CNTNAP5: variants seen among roughly 807,000 people sequenced by gnomAD.
CNTNAP5 encodes the protein contactin-associated protein-like 5.
CNTNAP5 carries 72 observed loss-of-function variants against 150.2 expected under a neutral mutation model. The observed-to-expected ratio is 0.48, with a 90% confidence interval of 0.40 to 0.58. CNTNAP5 has a LOEUF of 0.58. Ranked by LOEUF, CNTNAP5 falls within the 20% of genes least tolerant of loss-of-function variation. The pLI is 0.00. For missense variants in CNTNAP5, 1,636 were observed against 1,626.2 expected (o/e 1.01, Z -0.10); for synonymous variants, 672 against 619.8 (o/e 1.08, Z -1.25).
At chr2:124,736,111 T>C (rs778076014) in intron 13 of CNTNAP5, among the ~76,000 whole-genome samples, 3 of 152,086 alleles carry the variant, frequency 2.0e-5, no homozygotes, top group Non-Finnish European at 4.4e-5. Context: ...GTGCCTGTAA[T>C]CCCAGCTATT....
At chr2:124,830,373 TA>T (rs1191890503) in intron 19 of CNTNAP5, among the ~76,000 whole-genome samples, 2 of 152,066 alleles carry the variant, frequency 1.3e-5, no homozygotes, top group Non-Finnish European at 2.9e-5. Context: ...GGAATTATCT[TA>T]ATAGAGTGTA....
chr2:124,083,803 AT>A (rs1004277967), intron 1 of CNTNAP5, among the ~76,000 whole-genome samples: 13 of 137,596 alleles, frequency 9.4e-5, no homozygotes, highest in African/African-American at 2.7e-4. Flanking sequence ...TTTCTTTCTC[AT>A]TTTTTTTCAA....
intron 1 of CNTNAP5, among the ~76,000 whole-genome samples, chr2:124,030,230 C>T (rs1247926540): frequency 1.3e-5 from 2 of 152,110 alleles, no homozygotes; most frequent in African/African-American, 4.8e-5. Context: ...TATATTCTAA[C>T]ATTGTAAAGC....
intron 3 of CNTNAP5, among the ~76,000 whole-genome samples, chr2:124,256,441 T>C (rs555579193): frequency 6.6e-6 from 1 of 152,130 alleles, no homozygotes; most frequent in Non-Finnish European, 1.5e-5. Context: ...TATCGATAGA[T>C]AAAACTTTGG....
At chr2:124,786,374 A>G (rs1681575896) in intron 17 of CNTNAP5, among the ~76,000 whole-genome samples, 3 of 79,242 alleles carry the variant, frequency 3.8e-5, no homozygotes, top group African/African-American at 1.8e-4. Context: ...AAAGAAAGAA[A>G]GAAAGAAAGA....
chr2:124,166,268 G>A (rs542602050), intron 1 of CNTNAP5, among the ~76,000 whole-genome samples: 27 of 152,196 alleles, frequency 1.8e-4, no homozygotes, highest in Admixed American at 1.4e-3. Flanking sequence ...TGTTTAAAAC[G>A]AATGGCTGTA....
intron 14 of CNTNAP5, among the ~76,000 whole-genome samples, chr2:124,761,615 A>T (rs1217920319): frequency 1.3e-5 from 2 of 151,988 alleles, no homozygotes; most frequent in African/African-American, 4.8e-5. Flanking sequence ...CTGACAAGAG[A>T]TTGTGTGTCA....
chr2:124,283,240 CCCT>C (rs1441721678), intron 3 of CNTNAP5, among the ~76,000 whole-genome samples: 1 of 152,128 alleles, frequency 6.6e-6, no homozygotes, highest in African/African-American at 2.4e-5. Context: ...GAGCATTTTC[CCCT>C]CAACATTTTT....
intron 3 of CNTNAP5, among the ~76,000 whole-genome samples, chr2:124,384,271 C>T (rs769995869): frequency 1.1e-4 from 16 of 152,112 alleles, no homozygotes; most frequent in South Asian, 4.1e-4. Flanking sequence ...CCAGTTCACA[C>T]GGTCACATTG....
At chr2:124,746,713 C>T (rs944504173) in intron 13 of CNTNAP5, among the ~76,000 whole-genome samples, 4 of 152,116 alleles carry the variant, frequency 2.6e-5, no homozygotes, top group African/African-American at 9.7e-5. Flanking sequence ...AGAGGTCAGG[C>T]TAATCTTGGC....
intron 19 of CNTNAP5, among the ~76,000 whole-genome samples, chr2:124,840,072 A>AGG (rs538467879): frequency 3.9e-5 from 6 of 152,100 alleles, no homozygotes; most frequent in African/African-American, 1.4e-4. Context: ...TAAGGAAGTG[A>AGG]GGAGGGGGAA....
chr2:124,583,520 T>A (rs897221835), intron 11 of CNTNAP5, among the ~76,000 whole-genome samples: 1 of 152,240 alleles, frequency 6.6e-6, no homozygotes, highest in South Asian at 2.1e-4. Context: ...ATTTTGTTTT[T>A]ACTGATTGCC....
intron 8 of CNTNAP5, among the ~76,000 whole-genome samples, chr2:124,513,473 T>C (rs556513930): frequency 5.9e-5 from 9 of 152,302 alleles, no homozygotes; most frequent in African/African-American, 2.2e-4. Flanking sequence ...CCAATGCCCT[T>C]CTCATCACTA....
rs1678773289 is a variant in CNTNAP5 at position 124,916,563 on chromosome 2, G to A, written c.*2275G>A. On this transcript the variant is annotated 3_prime_UTR_variant, in exon 24 of 24. Transcript: ENST00000682447. ...TGGAACTCTTCATTATTCAATCTTT[G>A]AGCAGTGAGGACTATGTTTTGCTGA... Among the ~76,000 whole-genome samples, 1 of 152,054 alleles carries A rather than the reference G, an allele frequency of 6.6e-6. No individual in the cohort carries two copies. Among genetic ancestry groups the A allele is most frequent in the Non-Finnish European group, 1.5e-5 (1 of 67,982 alleles).
intron 1 of CNTNAP5, among the ~76,000 whole-genome samples, chr2:124,037,264 T>C (rs1279681287): frequency 2.0e-5 from 3 of 152,236 alleles, no homozygotes; most frequent in Non-Finnish European, 4.4e-5. Context: ...TAGTGTCTGT[T>C]CCTGAGACTC....
intron 1 of CNTNAP5, among the ~76,000 whole-genome samples, chr2:124,044,570 A>AT (rs938129627): frequency 1.7e-4 from 26 of 151,978 alleles, no homozygotes; most frequent in Non-Finnish European, 3.5e-4. Context: ...AACCATGGCT[A>AT]TTTTTTTTCA....
intron 12 of CNTNAP5, among the ~76,000 whole-genome samples, chr2:124,632,780 A>C (rs1389975925): frequency 2.6e-5 from 4 of 152,158 alleles, no homozygotes; most frequent in South Asian, 2.1e-4. Context: ...AAGAGGTTTC[A>C]TTGGCTCATA....
At chr2:124,419,153 A>AAAAAAAAAAAC (rs1553466542) in intron 4 of CNTNAP5, among the ~76,000 whole-genome samples, 6,367 of 75,588 alleles carry the variant, frequency 0.084, 591 homozygotes, top group African/African-American at 0.15. Context: ...AAAAAAAAAA[A>AAAAAAAAAAAC]AAAAAAAAAA....
chr2:124,865,054 G>T (rs981688870), intron 19 of CNTNAP5, among the ~76,000 whole-genome samples: 5 of 151,040 alleles, frequency 3.3e-5, no homozygotes, highest in Admixed American at 6.6e-5. Flanking sequence ...TTCTAAACTG[G>T]CATTTTGGTT....
Sources: gnomAD v4.1 joint callset for allele counts (sites outside exome capture counted in the v4.1 genomes callset) on GRCh38, gnomAD v4.1.1 for gene constraint, MANE v1.5 for transcripts, NCBI Gene and HGNC (gene_info 2026-07-23, HGNC 2026-07-21) for gene names.